The following OR51B5 variants were observed in gnomAD, a reference collection of about 807,000 sequenced individuals.
OR51B5 encodes the protein olfactory receptor family 51 subfamily B member 5, also known as olfactory receptor 51B5.
For synonymous variants in OR51B5, 186 were observed against 144.8 expected, an observed-to-expected ratio of 1.28 and a Z score of -2.04; for missense variants, 456 against 374.6, an observed-to-expected ratio of 1.22 and a Z score of -1.79.
intron 1 of OR51B5, among the ~76,000 whole-genome samples, chr11:5,348,685 G>T (rs142837669): frequency 6.6e-6 from 1 of 151,992 alleles, no homozygotes; most frequent in Non-Finnish European, 1.5e-5. Context: ...TCTTCTAGCC[G>T]CCCTGGCAGC....
intron 1 of OR51B5, among the ~76,000 whole-genome samples, chr11:5,365,663 G>C (rs1286855283): frequency 6.6e-6 from 1 of 152,164 alleles, no homozygotes; most frequent in Non-Finnish European, 1.5e-5. Flanking sequence ...AATGTGTTGA[G>C]GCCCTAATGA....
At chr11:5,423,067 G>A (rs1414520466) in intron 1 of OR51B5, 11 of 1,614,114 alleles carry the variant, frequency 6.8e-6, no homozygotes, top group Non-Finnish European at 9.3e-6. Context: ...CCCCGGTGAT[G>A]AACCCCATCA....
At chr11:5,453,178 G>T in intron 1 of OR51B5, 1 of 212,024 alleles carries the variant, frequency 4.7e-6, no homozygotes, top group Non-Finnish European at 9.2e-6. Flanking sequence ...GCAAGTTGTA[G>T]AAATGTAGTT....
intron 1 of OR51B5, among the ~76,000 whole-genome samples, chr11:5,474,265 T>C (rs983673175): frequency 6.6e-6 from 1 of 152,054 alleles, no homozygotes. Flanking sequence ...AAATTATTGG[T>C]TGAGAAAAGA....
chr11:5,419,273 T>G (rs1316644200), intron 1 of OR51B5, among the ~76,000 whole-genome samples: 2 of 152,188 alleles, frequency 1.3e-5, no homozygotes, highest in African/African-American at 4.8e-5. Context: ...GAAAATGTCT[T>G]TAGCATCTCA....
At chr11:5,368,324 C>T (rs1372617065) in intron 1 of OR51B5, among the ~76,000 whole-genome samples, 2 of 152,140 alleles carry the variant, frequency 1.3e-5, no homozygotes, top group Non-Finnish European at 2.9e-5. Context: ...ATTTATCTTT[C>T]TGTGTTTTGG....
chr11:5,454,267 C>T lies in OR51B5; in HGVS notation n.84+51302G>A, dbSNP rs775402521. On this transcript the variant is annotated intron_variant and non_coding_transcript_variant, in intron 1 of 4. Transcript: ENST00000415970. ...TATGTGCCAATGATTGGGGTCTCCACAGTGCACCGCTTTGGGAAGCATGTC... is the reference window on the plus strand; with the variant it reads ...TATGTGCCAATGATTGGGGTCTCCATAGTGCACCGCTTTGGGAAGCATGTC... 3.7e-6 allele frequency: 6 copies of T among 1,614,216 alleles called. No homozygotes were observed. The East Asian group carries it at 1.1e-4, about 30-fold the overall frequency.
At chr11:5,451,830 A>T (rs7942704) in intron 1 of OR51B5, among the ~76,000 whole-genome samples, 3 of 151,918 alleles carry the variant, frequency 2.0e-5, no homozygotes, top group Non-Finnish European at 2.9e-5. Flanking sequence ...AATGAGGGTG[A>T]CCTATTAGCT....
rs7120319 is a variant in OR51B5 at position 5,342,867 on chromosome 11, G to A, written c.658C>T (p.Leu220Phe). ...GAGGCAATGCTCAGGACAGTCTTGA[G>A]TATCAACACATAGGAGATGAAGATA... Residue 220 changes from leucine to phenylalanine, a missense_variant, in exon 1 of 1, where the codon CTC (leucine) becomes TTC (phenylalanine). By Grantham distance (22) the Leu-to-Phe change is conservative (BLOSUM62 0). Coordinates refer to ENST00000300773, the Ensembl canonical transcript of OR51B5. 18,407 of 1,611,882 alleles carry A rather than the reference G, an allele frequency of 0.011. 1,747 individuals are homozygous for A. The African/African-American group carries it at 0.21, about 19-fold the overall frequency.
At chr11:5,477,459 T>C (rs1851328331) in intron 1 of OR51B5, among the ~76,000 whole-genome samples, 1 of 152,164 alleles carries the variant, frequency 6.6e-6, no homozygotes, top group Non-Finnish European at 1.5e-5. Flanking sequence ...ATCTATCCTC[T>C]TTCTGTCTCA....
intron 1 of OR51B5, among the ~76,000 whole-genome samples, chr11:5,356,287 T>A (rs1031789288): frequency 1.3e-5 from 2 of 151,844 alleles, no homozygotes; most frequent in African/African-American, 2.4e-5. Context: ...TTAAAGGACC[T>A]GATGGAGCTG....
intron 1 of OR51B5, among the ~76,000 whole-genome samples, chr11:5,443,815 G>A (rs117260010): frequency 0.01 from 1,524 of 152,096 alleles, 11 homozygotes; most frequent in Non-Finnish European, 0.013. Context: ...ATCTTGGAAG[G>A]AAGGTCAAGA....
chr11:5,445,795 G>A (rs1306670839), intron 1 of OR51B5, among the ~76,000 whole-genome samples: 2 of 151,634 alleles, frequency 1.3e-5, no homozygotes, highest in African/African-American at 2.4e-5. Flanking sequence ...TAATATAACT[G>A]CTGAACTATT....
At chr11:5,440,533 C>T (rs766873591) in intron 1 of OR51B5, 1 of 1,477,382 alleles carries the variant, frequency 6.8e-7, no homozygotes, top group East Asian at 2.3e-5. Flanking sequence ...TGTCCCAATC[C>T]TTCCTCCAAA....
intron 1 of OR51B5, among the ~76,000 whole-genome samples, chr11:5,360,739 C>T (rs1294419606): frequency 6.7e-6 from 1 of 149,852 alleles, no homozygotes; most frequent in African/African-American, 2.5e-5. Context: ...TTGGAACCAA[C>T]CCAAATGTCC....
chr11:5,373,529 T>G (rs576920632), intron 1 of OR51B5, among the ~76,000 whole-genome samples: 35 of 152,230 alleles, frequency 2.3e-4, no homozygotes, highest in African/African-American at 8.4e-4. Context: ...GGTGAGGCAT[T>G]GCCTCACTTG....
intron 1 of OR51B5, among the ~76,000 whole-genome samples, chr11:5,388,196 A>G (rs1849731085): frequency 6.6e-6 from 1 of 152,138 alleles, no homozygotes; most frequent in African/African-American, 2.4e-5. Flanking sequence ...AAGGATTCCA[A>G]TGATATGGTG....
intron 1 of OR51B5, among the ~76,000 whole-genome samples, chr11:5,374,457 C>G (rs189133449): frequency 1.1e-4 from 16 of 152,234 alleles, no homozygotes; most frequent in Middle Eastern, 3.4e-3. Flanking sequence ...AGTTCCTCAC[C>G]AGCAACGGAA....
chr11:5,440,811 T>TG (rs770614735), intron 1 of OR51B5: 1 of 1,613,916 alleles, frequency 6.2e-7, no homozygotes, highest in African/African-American at 1.3e-5. Flanking sequence ...CTTGAGCCGC[T>TG]GTTCCTGGGA....
Sources: gnomAD v4.1 joint callset for allele counts (sites outside exome capture counted in the v4.1 genomes callset) on GRCh38, gnomAD v4.1.1 for gene constraint, MANE v1.5 for transcripts, NCBI Gene and HGNC (gene_info 2026-07-23, HGNC 2026-07-21) for gene names.